MTUS2: variants seen among roughly 807,000 people sequenced by gnomAD.
MTUS2 encodes microtubule associated scaffold protein 2.
In MTUS2, 40 loss-of-function variants were observed where a neutral mutation model predicts 114.1. The observed-to-expected ratio is 0.35, with a 90% confidence interval of 0.27 to 0.46. The LOEUF (loss-of-function observed/expected upper bound fraction) is 0.46. Among genes scored for constraint, MTUS2 ranks in the 20% least tolerant of loss-of-function variants. The probability of loss-of-function intolerance (pLI) is 1.00; values close to 1 mark genes in which losing one functional copy is unlikely to be tolerated. For missense variants in MTUS2, 1,679 were observed against 1,705.4 expected (o/e 0.98, Z 0.27); for synonymous variants, 688 against 672.0 (o/e 1.02, Z -0.37).
At chr13:29,497,132 G>T in intron 12 of MTUS2, 106 bp from the exon 13 acceptor site, 1 of 950,780 alleles carries the variant, frequency 1.1e-6, no homozygotes, top group East Asian at 2.5e-5. Flanking sequence ...GAAACACTCT[G>T]AGGATGCCCA....
Position 29,100,813 on chromosome 13 carries a change from C to T in MTUS2, c.2487C>T (p.Ser829=), listed in dbSNP as rs1398563094. The T allele has an allele frequency of 1.9e-6, 3 of 1,551,620 alleles. No homozygotes were observed. Among genetic ancestry groups the T allele is most frequent in the Non-Finnish European group, 2.6e-6 (3 of 1,146,984 alleles). ...CTTCCAGTTCAAATGCTGCAAAATC[C>T]AATCTCCCGAAATCTGGTCTCCGTC... is the stretch of plus-strand genomic sequence containing the variant. The part of the protein sequence containing the change: ...KKASSSNAAK[S]NLPKSGLRPP... Residue 829 remains serine (S), a synonymous_variant, in exon 5 of 16, where the codon TCC becomes TCT. Coordinates refer to ENST00000612955, the MANE Select transcript of MTUS2 (RefSeq NM_001033602.4).
chr13:29,039,737 A>G (rs1355298101), intron 4 of MTUS2, among the ~76,000 whole-genome samples: 3 of 152,230 alleles, frequency 2.0e-5, no homozygotes, highest in Non-Finnish European at 2.9e-5. Flanking sequence ...AGGAAAAACA[A>G]ATCATTTACT....
chr13:29,222,985 A>T (rs535776469), intron 5 of MTUS2, among the ~76,000 whole-genome samples: 1 of 152,298 alleles, frequency 6.6e-6, no homozygotes, highest in South Asian at 2.1e-4. Flanking sequence ...CCAAGTCAGG[A>T]CTAAGGGTGG....
intron 2 of MTUS2, among the ~76,000 whole-genome samples, chr13:28,979,226 C>T (rs1017743503): frequency 5.9e-5 from 9 of 152,188 alleles, no homozygotes; most frequent in Admixed American, 5.2e-4. Context: ...TTGTTAGGTA[C>T]TCTGTGTTGA....
At chr13:29,382,723 C>T (rs150679407) in intron 8 of MTUS2, among the ~76,000 whole-genome samples, 222 of 152,226 alleles carry the variant, frequency 1.5e-3, no homozygotes, top group African/African-American at 5.2e-3. Flanking sequence ...ATGCTGGGTC[C>T]GAAAAGATTC....
At chr13:29,353,028 G>A (rs2033541899) in intron 7 of MTUS2, among the ~76,000 whole-genome samples, 1 of 152,042 alleles carries the variant, frequency 6.6e-6, no homozygotes, top group South Asian at 2.1e-4. Context: ...TAGTAATTCT[G>A]TTATCTGTGT....
chr13:29,282,071 C>G (rs190900041), intron 6 of MTUS2, among the ~76,000 whole-genome samples: 3 of 152,376 alleles, frequency 2.0e-5, no homozygotes, highest in African/African-American at 7.2e-5. Context: ...CTTCCCATGA[C>G]TGGTAACCCT....
chr13:29,293,180 T>C (rs992154924), intron 6 of MTUS2, among the ~76,000 whole-genome samples: 3 of 152,128 alleles, frequency 2.0e-5, no homozygotes, highest in African/African-American at 7.2e-5. Context: ...AGGAAGATGA[T>C]AAACTGATAG....
chr13:29,201,354 A>G (rs1250297991), intron 5 of MTUS2, among the ~76,000 whole-genome samples: 1 of 139,908 alleles, frequency 7.1e-6, no homozygotes, highest in Non-Finnish European at 1.5e-5. Context: ...TTTTCTTTCC[A>G]TTTGCTTGGT....
At chr13:29,492,160 G>GTGT (rs1318669898) in intron 11 of MTUS2, among the ~76,000 whole-genome samples, 1 of 2,424 alleles carries the variant, frequency 4.1e-4, no homozygotes, top group Non-Finnish European at 9.9e-4. Context: ...ATGTGTGTGT[G>GTGT]GTGTGTATGT....
chr13:29,402,216 G>C (rs1402063981), intron 8 of MTUS2, among the ~76,000 whole-genome samples: 3 of 152,086 alleles, frequency 2.0e-5, no homozygotes, highest in Non-Finnish European at 4.4e-5. Flanking sequence ...ACGTCACTGT[G>C]CTTAGTCCCC....
At chr13:29,098,974 A>G (rs1435768263) in intron 4 of MTUS2, among the ~76,000 whole-genome samples, 1 of 152,232 alleles carries the variant, frequency 6.6e-6, no homozygotes, top group Non-Finnish European at 1.5e-5. Context: ...GAGTATACTT[A>G]TTGTTGAAAT....
chr13:29,232,289 C>T (rs78095917), intron 5 of MTUS2, among the ~76,000 whole-genome samples: 1 of 43,282 alleles, frequency 2.3e-5, no homozygotes, highest in African/African-American at 1.2e-4. Flanking sequence ...CACACACACA[C>T]ACACACACGC....
intron 5 of MTUS2, among the ~76,000 whole-genome samples, chr13:29,163,920 C>T (rs1051355302): frequency 2.4e-4 from 37 of 152,102 alleles, no homozygotes; most frequent in Admixed American, 1.6e-3. Context: ...TAACAGGGTG[C>T]GGACCCCTTT....
intron 7 of MTUS2, among the ~76,000 whole-genome samples, chr13:29,337,853 A>G (rs113193936): frequency 0.064 from 9,589 of 150,600 alleles, 432 homozygotes; most frequent in Non-Finnish European, 0.095. Context: ...CATTGGCACA[A>G]TCTCGGCTCA....
intron 8 of MTUS2, among the ~76,000 whole-genome samples, chr13:29,416,082 A>ATTTTTTTTTTTT (rs139281629): frequency 3.9e-5 from 5 of 127,732 alleles, no homozygotes; most frequent in African/African-American, 8.9e-5. Flanking sequence ...CACCCCACTA[A>ATTTTTTTTTTTT]TTTTTTTTTT....
chr13:29,445,131 A>G (rs1404176562), intron 9 of MTUS2, among the ~76,000 whole-genome samples: 2 of 152,250 alleles, frequency 1.3e-5, no homozygotes, highest in Admixed American at 6.5e-5. Context: ...GTCCTCACAC[A>G]CTGGAAGATA....
intron 2 of MTUS2, among the ~76,000 whole-genome samples, chr13:28,931,401 A>G (rs1881609373): frequency 6.6e-6 from 1 of 152,136 alleles, no homozygotes; most frequent in African/African-American, 2.4e-5. Context: ...AGTTTCCCCC[A>G]TGTTGTTCTT....
intron 5 of MTUS2, among the ~76,000 whole-genome samples, chr13:29,196,505 G>A (rs1453124641): frequency 6.6e-6 from 1 of 152,052 alleles, no homozygotes; most frequent in East Asian, 1.9e-4. Context: ...TAAGTGTTCA[G>A]TTCAGTAGCA....
Sources: gnomAD v4.1 joint callset for allele counts (sites outside exome capture counted in the v4.1 genomes callset) on GRCh38, gnomAD v4.1.1 for gene constraint, MANE v1.5 for transcripts, NCBI Gene and HGNC (gene_info 2026-07-23, HGNC 2026-07-21) for gene names.